The following SLC2A1 variants were observed in gnomAD, a reference collection of about 807,000 sequenced individuals.
SLC2A1 encodes solute carrier family 2, facilitated glucose transporter member 1.
Under a neutral mutation model 46.6 loss-of-function variants are expected in SLC2A1, and 4 were observed. That is an observed-to-expected ratio of 0.09 (90% CI 0.04 to 0.20). The LOEUF is 0.20. Ranked by LOEUF, SLC2A1 falls within the 10% of genes least tolerant of loss-of-function variation. The probability of loss-of-function intolerance (pLI) is 1.00; values close to 1 mark genes in which losing one functional copy is unlikely to be tolerated. For missense variants in SLC2A1, 352 were observed against 667.0 expected (o/e 0.53, Z 5.20); for synonymous variants, 253 against 270.0 (o/e 0.94, Z 0.62).
At position 42,929,539 on chromosome 1, in the gene SLC2A1, C is replaced by G; in HGVS notation, c.867+54G>C. On this transcript the variant is annotated intron_variant, in intron 6 of 9. Transcript: ENST00000426263. The surrounding 1 kb of genome is among the most constrained non-coding windows in gnomAD (Gnocchi z 6.0). The stretch of plus-strand genomic sequence containing the variant: ...AAGTTTGGGACTTGTTCACCATGCA[C>G]ACTTGACCAGAGGGCTTGGCTGGGG... 2.0e-6 allele frequency: 3 copies of G among 1,531,378 alleles called. No homozygotes were observed. Among genetic ancestry groups the G allele is most frequent in the Non-Finnish European group, 2.7e-6 (3 of 1,108,726 alleles). The allele number at this position is 1,531,378 out of a possible 1,614,324, so 94.9% of individuals were successfully genotyped here.
intron 2 of SLC2A1, among the ~76,000 whole-genome samples, chr1:42,931,910 C>G (rs1388962808): frequency 3.3e-5 from 5 of 151,990 alleles, no homozygotes; most frequent in Non-Finnish European, 4.4e-5. Flanking sequence ...GTCTCAAAGC[C>G]CCAGGGGCCC....
At chr1:42,949,324 G>C (rs1480556030) in intron 1 of SLC2A1, among the ~76,000 whole-genome samples, 2 of 152,128 alleles carry the variant, frequency 1.3e-5, no homozygotes, top group African/African-American at 4.8e-5. Context: ...CTGTAACATC[G>C]GCACTTGACA....
At position 42,926,809 on chromosome 1, in the gene SLC2A1, A is replaced by G; in HGVS notation, c.*232T>C. Reference sequence around the variant, plus strand: ...TAACAAAATCAGTAATAAAAAAATTATAAAACCTGTTGCTTGTCTGAATAG... The same window carrying G: ...TAACAAAATCAGTAATAAAAAAATTGTAAAACCTGTTGCTTGTCTGAATAG... On this transcript the variant is annotated 3_prime_UTR_variant, in exon 10 of 10. Coordinates refer to ENST00000426263, the MANE Select transcript of SLC2A1 (RefSeq NM_006516.4). The G allele has an allele frequency of 6.7e-7, 1 of 1,496,246 alleles. No individual in the cohort carries two copies. The highest frequency in any genetic ancestry group is 8.9e-7 in the Non-Finnish European group (1 of 1,129,190). 92.7% of individuals were successfully genotyped at this position (1,496,246 alleles called of 1,614,324 possible). A position where few individuals can be genotyped will look rare whatever the true frequency, so the allele number is the denominator to read the frequency against.
chr1:42,930,480 C>T lies in SLC2A1; in HGVS notation c.516+146G>A. 1 of 1,099,152 alleles carries T rather than the reference C, an allele frequency of 9.1e-7. No individual in the cohort carries two copies. Among genetic ancestry groups the T allele is most frequent in the South Asian group, 1.3e-5 (1 of 74,376 alleles). The allele number at this position is 1,099,152 out of a possible 1,614,324, so 68.1% of individuals were successfully genotyped here. A position where few individuals can be genotyped will look rare whatever the true frequency, so the allele number is the denominator to read the frequency against. Reference sequence around the variant, plus strand: ...AACTGGGAGGCCATGGTGCTGTGTTCTCTGGACCTGTGTACCATAGTTGTC... The same window carrying T: ...AACTGGGAGGCCATGGTGCTGTGTTTTCTGGACCTGTGTACCATAGTTGTC... On this transcript the variant is annotated intron_variant, in intron 4 of 9. Coordinates refer to ENST00000426263, the MANE Select transcript of SLC2A1 (RefSeq NM_006516.4). The surrounding 1 kb of genome is among the most constrained non-coding windows in gnomAD (Gnocchi z 6.2).
At chr1:42,935,432 C>G (rs1157467933) in intron 2 of SLC2A1, among the ~76,000 whole-genome samples, 1 of 152,248 alleles carries the variant, frequency 6.6e-6, no homozygotes, top group Non-Finnish European at 1.5e-5. Context: ...CAAGGAACTT[C>G]TCACTTCCCC....
intron 2 of SLC2A1, among the ~76,000 whole-genome samples, chr1:42,936,909 TCAAA>T: frequency 1.3e-5 from 2 of 152,200 alleles, no homozygotes; most frequent in Middle Eastern, 6.8e-3. Flanking sequence ...CAACTGGTTC[TCAAA>T]CAGAGACGGC....
chr1:42,939,150 C>T (rs1643571765), intron 2 of SLC2A1, among the ~76,000 whole-genome samples: 1 of 152,280 alleles, frequency 6.6e-6, no homozygotes, highest in South Asian at 2.1e-4. Context: ...GGCCTTCAGC[C>T]TACGCGGGCA....
chr1:42,933,636 AGAG>A (rs1643514574), intron 2 of SLC2A1, among the ~76,000 whole-genome samples: 1 of 152,162 alleles, frequency 6.6e-6, no homozygotes, highest in Non-Finnish European at 1.5e-5. Context: ...AACTAACCCC[AGAG>A]GAGGACTGGT....
At chr1:42,956,424 AAAAAAAAAAC>A (rs746220587) in intron 1 of SLC2A1, among the ~76,000 whole-genome samples, 29,310 of 139,684 alleles carry the variant, frequency 0.21, 3,321 homozygotes, top group Middle Eastern at 0.26. Context: ...AAAAAAAAAA[AAAAAAAAAAC>A]ATTAGCTGGG....
At chr1:42,945,739 A>C (rs1342147662) in intron 1 of SLC2A1, among the ~76,000 whole-genome samples, 1 of 126,818 alleles carries the variant, frequency 7.9e-6, no homozygotes, top group Non-Finnish European at 1.6e-5. Flanking sequence ...ACTCTGTCTC[A>C]AAAAAAAAAA....
At position 42,954,335 on chromosome 1, in the gene SLC2A1, A is replaced by G. The variant is rs1570608190; in HGVS notation, c.18+4299T>C. ...GGAGTTCGAGACCAGCTTGACCAACATGAAGAAACCCCATCTCTACTAAAA... is the reference window on the plus strand; with the variant it reads ...GGAGTTCGAGACCAGCTTGACCAACGTGAAGAAACCCCATCTCTACTAAAA... On this transcript the variant is annotated intron_variant, in intron 1 of 9. Transcript: ENST00000426263. The surrounding 1 kb of genome is among the most constrained non-coding windows in gnomAD (Gnocchi z 4.2). 6.6e-6 allele frequency among the ~76,000 whole-genome samples: 1 copy of G among 152,146 alleles called. No individual in the cohort carries two copies. Among genetic ancestry groups the G allele is most frequent in the Non-Finnish European group, 1.5e-5 (1 of 68,030 alleles).
chr1:42,943,484 C>T (rs1037333727), intron 1 of SLC2A1, among the ~76,000 whole-genome samples, 163 bp from the exon 2 acceptor site: 4 of 152,324 alleles, frequency 2.6e-5, no homozygotes, highest in East Asian at 1.9e-4. Context: ...CCTTAGGTGC[C>T]CAAACCAGCC....
chr1:42,926,313 G>C lies in SLC2A1; in HGVS notation c.*728C>G, dbSNP rs903326432. On this transcript the variant is annotated 3_prime_UTR_variant, in exon 10 of 10. Transcript: ENST00000426263. ...AATATCTTGCATCTATACACAACAG[G>C]GCAGGAGTCTCCATGTCTTCTTGAG... is the stretch of plus-strand genomic sequence containing the variant. The C allele has an allele frequency of 6.3e-6, 1 of 159,544 alleles. No individual in the cohort carries two copies. The highest frequency in any genetic ancestry group is 2.4e-5 in the African/African-American group (1 of 41,544). The allele number at this position is 159,544 out of a possible 1,614,324, so 9.9% of individuals were successfully genotyped here.
chr1:42,931,499 AAGTGATC>A (rs1333904227), intron 2 of SLC2A1, among the ~76,000 whole-genome samples: 1 of 152,108 alleles, frequency 6.6e-6, no homozygotes, highest in Non-Finnish European at 1.5e-5. Flanking sequence ...GGATGATGGC[AAGTGATC>A]AGTGGTGGAA....
chr1:42,927,589 C>T lies in SLC2A1; in HGVS notation c.1278+16G>A. On this transcript the variant is annotated intron_variant, in intron 9 of 9. Coordinates refer to ENST00000426263, the MANE Select transcript of SLC2A1 (RefSeq NM_006516.4). The surrounding 1 kb of genome is among the most constrained non-coding windows in gnomAD (Gnocchi z 5.3). ...TCATGCGTGCGGGTGAGTATAGAGA[C>T]AGTGGGGGTTCTCACCTCCACATAC... The T allele has an allele frequency of 7.6e-7, 1 of 1,321,842 alleles. No homozygotes were observed. The highest frequency in any genetic ancestry group is 1.0e-6 in the Non-Finnish European group (1 of 957,430). 81.9% of individuals were successfully genotyped at this position (1,321,842 alleles called of 1,614,324 possible).
Position 42,929,058 on chromosome 1 carries a change from C to G in SLC2A1, c.973-25G>C. On this transcript the variant is annotated intron_variant, in intron 7 of 9. Transcript: ENST00000426263. This position sits in a 1 kb window ranked among gnomAD's most constrained non-coding sequence, Gnocchi z 6.0. ...GCTGTGGGCAGAGACAGTGTCAGTG[C>G]CACCCCTGCCTAGTGCCCTTCTGAA... 6.2e-7 allele frequency: 1 copy of G among 1,607,804 alleles called. No homozygotes were observed. Among genetic ancestry groups the G allele is most frequent in the Non-Finnish European group, 8.5e-7 (1 of 1,175,552 alleles).
At chr1:42,956,418 A>C (rs1183160544) in intron 1 of SLC2A1, among the ~76,000 whole-genome samples, 1 of 128,514 alleles carries the variant, frequency 7.8e-6, no homozygotes, top group Non-Finnish European at 1.7e-5. Context: ...AAAAAAAAAA[A>C]AAAAAAAAAA....
chr1:42,942,851 C>T (rs1383774784), intron 2 of SLC2A1: 1 of 336,986 alleles, frequency 3.0e-6, no homozygotes, highest in Non-Finnish European at 5.8e-6. Flanking sequence ...TCAAGTGAGA[C>T]AAGCCCATGA....
intron 2 of SLC2A1, chr1:42,942,973 G>C: frequency 1.8e-6 from 1 of 567,170 alleles, no homozygotes; most frequent in Non-Finnish European, 3.2e-6. Context: ...TTGGGTGGGG[G>C]GTTGGTCAAG....
Sources: allele counts gnomAD v4.1 joint callset (sites outside exome capture counted in the v4.1 genomes callset), GRCh38; gene constraint gnomAD v4.1.1; non-coding constraint Gnocchi (gnomAD v3.1); transcripts MANE v1.5; gene names NCBI Gene and HGNC (gene_info 2026-07-23, HGNC 2026-07-21).